SLC25A36: variants seen among roughly 807,000 people sequenced by gnomAD.
The protein encoded by SLC25A36 is solute carrier family 25 member 36.
A neutral mutation model predicts 35.3 loss-of-function variants in SLC25A36; 24 were observed. The ratio of observed to expected loss-of-function variants is 0.68; its 90% confidence interval spans 0.49 to 0.96. The LOEUF (loss-of-function observed/expected upper bound fraction) is 0.96. Ranked by LOEUF, SLC25A36 falls within the 40% of genes least tolerant of loss-of-function variation. SLC25A36 has a pLI of 0.00. For missense variants in SLC25A36, 294 were observed against 381.1 expected, an observed-to-expected ratio of 0.77 and a Z score of 1.90; for synonymous variants, 141 against 132.2, an observed-to-expected ratio of 1.07 and a Z score of -0.46.
chr3:140,942,786 G>A (rs1055852190), intron 1 of SLC25A36: 2 of 152,234 alleles, frequency 1.3e-5, no homozygotes, highest in African/African-American at 2.4e-5. Flanking sequence ...TTCTCCCGTG[G>A]TTGCTGTAGG....
At chr3:140,958,810 G>T (rs926087100) in intron 2 of SLC25A36, among the ~76,000 whole-genome samples, 2 of 151,940 alleles carry the variant, frequency 1.3e-5, no homozygotes, top group Admixed American at 6.5e-5. Flanking sequence ...TCGAAGATAA[G>T]AGTAGCATGA....
intron 4 of SLC25A36, among the ~76,000 whole-genome samples, chr3:140,969,587 T>G (rs1356968654): frequency 6.6e-6 from 1 of 151,862 alleles, no homozygotes. Context: ...TCTACAATGT[T>G]AAAACAGTGG....
chr3:140,960,733 C>A (rs541465350), intron 3 of SLC25A36, among the ~76,000 whole-genome samples: 1 of 152,216 alleles, frequency 6.6e-6, no homozygotes, highest in African/African-American at 2.4e-5. Flanking sequence ...GGGCATGGCA[C>A]CATGTGTAGG....
At chr3:140,943,456 T>C (rs1934073950) in intron 1 of SLC25A36, among the ~76,000 whole-genome samples, 1 of 152,240 alleles carries the variant, frequency 6.6e-6, no homozygotes, top group Admixed American at 6.5e-5. Flanking sequence ...TTTAGGCAGT[T>C]TGCTTTCCAT....
intron 5 of SLC25A36, among the ~76,000 whole-genome samples, chr3:140,972,054 G>A (rs1934917970): frequency 1.3e-5 from 2 of 152,172 alleles, no homozygotes; most frequent in African/African-American, 4.8e-5. Flanking sequence ...AATCTTAAGT[G>A]TTGTAGCAAA....
Position 140,963,244 on chromosome 3 carries a change from T to C in SLC25A36, c.385+17T>C. ...CAATGGCAGGTATGAATGTATAATA[T>C]TAAAAAAAAAAAAAACTTTCTGAAA... On this transcript the variant is annotated intron_variant, in intron 4 of 6. Coordinates refer to ENST00000324194, the MANE Select transcript of SLC25A36 (RefSeq NM_001104647.3). 6.9e-7 allele frequency: 1 copy of C among 1,441,768 alleles called. No individual in the cohort carries two copies. The highest frequency in any genetic ancestry group is 9.4e-7 in the Non-Finnish European group (1 of 1,069,230). The allele number at this position is 1,441,768 out of a possible 1,614,324, so 89.3% of individuals were successfully genotyped here. A position where few individuals can be genotyped will look rare whatever the true frequency, so the allele number is the denominator to read the frequency against.
At chr3:140,975,573 C>T (rs536322460) in intron 6 of SLC25A36, among the ~76,000 whole-genome samples, 3 of 152,294 alleles carry the variant, frequency 2.0e-5, no homozygotes, top group Non-Finnish European at 2.9e-5. Flanking sequence ...AAAGTAGTTA[C>T]ATAGGAAGCT....
At chr3:140,958,856 GTCTTAA>G (rs1934548330) in intron 2 of SLC25A36, among the ~76,000 whole-genome samples, 1 of 151,918 alleles carries the variant, frequency 6.6e-6, no homozygotes, top group South Asian at 2.1e-4. Context: ...TTATCATTGT[GTCTTAA>G]TCTTTCAGGA....
At chr3:140,956,932 A>G in intron 2 of SLC25A36, 1 of 565,594 alleles carries the variant, frequency 1.8e-6, no homozygotes, top group Non-Finnish European at 2.5e-6. Flanking sequence ...ACATTTATCC[A>G]GTGGAGTTTT....
chr3:140,945,739 TAAAA>T (rs59896675), intron 1 of SLC25A36, among the ~76,000 whole-genome samples: 2 of 127,746 alleles, frequency 1.6e-5, no homozygotes, highest in Non-Finnish European at 3.4e-5. Flanking sequence ...TACTTGCAAT[TAAAA>T]AAAAAAAAAA....
rs35338784 is a variant in SLC25A36 at position 140,976,570 on chromosome 3, C to T, written c.*117C>T. ...AATAGTTTGGGAACATGTAACTATT[C>T]TAAGTGGAAGTTTTGTTGTAGGAAT... is the stretch of plus-strand genomic sequence containing the variant. On this transcript the variant is annotated 3_prime_UTR_variant, in exon 7 of 7. Coordinates refer to ENST00000324194, the MANE Select transcript of SLC25A36 (RefSeq NM_001104647.3). The T allele has an allele frequency of 1.3e-6, 1 of 774,468 alleles. No individual in the cohort carries two copies. 48.0% of individuals were successfully genotyped at this position (774,468 alleles called of 1,614,324 possible).
intron 5 of SLC25A36, among the ~76,000 whole-genome samples, chr3:140,972,107 G>A (rs577706433): frequency 2.0e-5 from 3 of 152,258 alleles, no homozygotes; most frequent in East Asian, 3.9e-4. Flanking sequence ...GAAAAGTAGT[G>A]GTAGCTAAGA....
chr3:140,965,531 T>G (rs1054928061), intron 4 of SLC25A36: 2 of 151,852 alleles, frequency 1.3e-5, no homozygotes, highest in Non-Finnish European at 3.0e-5. Context: ...AAGTGACCTC[T>G]CAATTCATTT....
chr3:140,956,810 T>G, intron 2 of SLC25A36, 119 bp downstream of exon 2: 3 of 1,404,954 alleles, frequency 2.1e-6, no homozygotes, highest in Non-Finnish European at 2.8e-6. Context: ...TTTACAGAAG[T>G]TACTCTGAAT....
rs561220499 is a variant in SLC25A36, at chr3:140,978,205, A to G, written c.*1752A>G. The G allele has an allele frequency of 1.3e-5, 2 of 152,276 alleles. No homozygotes were observed. Among genetic ancestry groups the G allele is most frequent in the East Asian group, 3.9e-4 (2 of 5,170 alleles). 9.4% of individuals were successfully genotyped at this position (152,276 alleles called of 1,614,324 possible). The stretch of plus-strand genomic sequence containing the variant: ...GATGTTTTTGAGGTGCTCAATTGGA[A>G]TAAAAATATTCCAATCTATTTGGAG... On this transcript the variant is annotated 3_prime_UTR_variant, in exon 7 of 7. Transcript: ENST00000324194.
intron 5 of SLC25A36, 33 bp from the exon 6 acceptor site, chr3:140,973,683 C>T: frequency 7.2e-7 from 1 of 1,386,866 alleles, no homozygotes. Context: ...CTTTAAAAAA[C>T]CTATCAGTAA....
chr3:140,976,538 G>C lies in SLC25A36; in HGVS notation c.*85G>C, dbSNP rs1935052079. 2.5e-6 allele frequency: 3 copies of C among 1,184,730 alleles called. No homozygotes were observed. In the Admixed American group the frequency reaches 8.6e-5, roughly 34 times the overall value. The allele number at this position is 1,184,730 out of a possible 1,614,324, so 73.4% of individuals were successfully genotyped here. A position where few individuals can be genotyped will look rare whatever the true frequency, so the allele number is the denominator to read the frequency against. ...GATACAGAAGCCAGCATGGCAGACA[G>C]AAGAAAAATAGTTTGGGAACATGTA... On this transcript the variant is annotated 3_prime_UTR_variant, in exon 7 of 7. Transcript: ENST00000324194.
At chr3:140,965,522 A>G (rs1934737979) in intron 4 of SLC25A36, 1 of 151,832 alleles carries the variant, frequency 6.6e-6, no homozygotes, top group African/African-American at 2.4e-5. Flanking sequence ...TTTTATTCCA[A>G]GTGACCTCTC....
chr3:140,946,502 G>A (rs1934169437), intron 1 of SLC25A36, among the ~76,000 whole-genome samples: 1 of 152,186 alleles, frequency 6.6e-6, no homozygotes, highest in Non-Finnish European at 1.5e-5. Context: ...GTAGGGAGTT[G>A]ATCAGGCTAT....
Sources: gnomAD v4.1 joint callset for allele counts (sites outside exome capture counted in the v4.1 genomes callset) on GRCh38, gnomAD v4.1.1 for gene constraint, MANE v1.5 for transcripts, NCBI Gene and HGNC (gene_info 2026-07-23, HGNC 2026-07-21) for gene names.